Variants in WDPCP observed in about 807,000 individuals in gnomAD.
WDPCP encodes the protein WD repeat containing planar cell polarity effector, also known as WD repeat-containing and planar cell polarity effector protein fritz homolog.
WDPCP carries 71 observed loss-of-function variants against 93.1 expected under a neutral mutation model. The observed-to-expected ratio is 0.76, with a 90% CI of 0.63 to 0.93. The LOEUF (loss-of-function observed/expected upper bound fraction) is 0.93, where lower values mean the gene tolerates loss of function less well. Ranked by LOEUF, WDPCP falls within the 40% of genes least tolerant of loss-of-function variation. The pLI, the probability that WDPCP is intolerant of heterozygous loss-of-function variation, is 0.00. For synonymous variants in WDPCP, 315 were observed against 315.0 expected, an observed-to-expected ratio of 1.00 and a Z score of 0.00; for missense variants, 844 against 887.4, an observed-to-expected ratio of 0.95 and a Z score of 0.62.
intron 2 of WDPCP, among the ~76,000 whole-genome samples, chr2:63,768,222 A>G (rs540991370): frequency 1.3e-5 from 2 of 152,194 alleles, no homozygotes; most frequent in African/African-American, 4.8e-5. Flanking sequence ...TTAAAAATCA[A>G]TGGACCATAC....
At chr2:63,199,264 C>T (rs568146562) in intron 14 of WDPCP, among the ~76,000 whole-genome samples, 10 of 130,978 alleles carry the variant, frequency 7.6e-5, no homozygotes, top group Non-Finnish European at 1.6e-4. Flanking sequence ...GAAAAATCTA[C>T]TTTCTGGGAG....
chr2:63,342,279 T>C (rs935374661), intron 12 of WDPCP, among the ~76,000 whole-genome samples: 1 of 152,176 alleles, frequency 6.6e-6, no homozygotes, highest in Non-Finnish European at 1.5e-5. Context: ...TTGGGGACCC[T>C]AACCAGGTCC....
chr2:63,200,648 G>A (rs1322180578), intron 14 of WDPCP, among the ~76,000 whole-genome samples: 1 of 152,098 alleles, frequency 6.6e-6, no homozygotes, highest in East Asian at 1.9e-4. Context: ...AGAGAGAATA[G>A]AACCCAGAGG....
At chr2:63,753,677 T>C (rs1315471990) in intron 2 of WDPCP, among the ~76,000 whole-genome samples, 4 of 152,048 alleles carry the variant, frequency 2.6e-5, no homozygotes, top group African/African-American at 7.2e-5. Flanking sequence ...AATATCTCAC[T>C]CTAGCTATGA....
At chr2:63,638,970 T>A (rs1220824857) in intron 3 of WDPCP, among the ~76,000 whole-genome samples, 2 of 152,092 alleles carry the variant, frequency 1.3e-5, no homozygotes, top group South Asian at 2.1e-4. Flanking sequence ...ACTCAAAGAA[T>A]AATAAGGGAA....
intron 14 of WDPCP, among the ~76,000 whole-genome samples, chr2:63,251,917 T>G (rs1326182356): frequency 2.0e-5 from 3 of 151,446 alleles, no homozygotes; most frequent in Admixed American, 6.6e-5. Flanking sequence ...AGGAGGGAAC[T>G]CCTTCATAAC....
chr2:63,365,771 C>A lies in WDPCP; in HGVS notation c.1748+12615G>T, dbSNP rs376754731. Among the ~76,000 whole-genome samples, 392 of 152,276 alleles carry A rather than the reference C, an allele frequency of 2.6e-3. 3 individuals are homozygous for A. Among genetic ancestry groups the A allele is most frequent in the Middle Eastern group, 0.02 (6 of 294 alleles). ...TCACATGGTCCCATTTACCTTACCA[C>A]TCGCAGAACTAAGTTTCATTGTAAA... On this transcript the variant is annotated intron_variant, in intron 12 of 17. Transcript: ENST00000272321.
rs1172618442 is a variant in WDPCP at position 63,324,416 on chromosome 2, G to A, written c.1749-11105C>T. Among the ~76,000 whole-genome samples the A allele has an allele frequency of 4.6e-5, 7 of 152,176 alleles. No homozygotes were observed. In the South Asian group the frequency reaches 6.2e-4, roughly 14 times the overall value. On this transcript the variant is annotated intron_variant, in intron 12 of 17. Coordinates refer to ENST00000272321, the MANE Select transcript of WDPCP (RefSeq NM_015910.7). ...CAAAAACCCCCGGGCTATCGGTTAC[G>A]TCCCCTTCAAGCTGTAGGGGAAGGG... is the stretch of plus-strand genomic sequence containing the variant.
chr2:63,710,521 G>A (rs1159898729), intron 2 of WDPCP, among the ~76,000 whole-genome samples: 1 of 152,126 alleles, frequency 6.6e-6, no homozygotes, highest in African/African-American at 2.4e-5. Flanking sequence ...CATAGAGTAT[G>A]CCCTCTCTTT....
intron 12 of WDPCP, among the ~76,000 whole-genome samples, chr2:63,377,631 T>G (rs1691959152): frequency 6.6e-6 from 1 of 151,586 alleles, no homozygotes; most frequent in Admixed American, 6.6e-5. Context: ...ATGCTTATTT[T>G]ATCATATTTC....
chr2:63,300,699 A>G (rs1376280111), intron 13 of WDPCP, among the ~76,000 whole-genome samples: 2 of 152,220 alleles, frequency 1.3e-5, no homozygotes, highest in African/African-American at 4.8e-5. Flanking sequence ...AATATCAGAG[A>G]ATGTCTAGTA....
At chr2:63,782,054 T>C (rs1285846106) in intron 2 of WDPCP, among the ~76,000 whole-genome samples, 7 of 152,120 alleles carry the variant, frequency 4.6e-5, no homozygotes, top group Non-Finnish European at 1.0e-4. Flanking sequence ...TTCAAACTGT[T>C]TCATCCTTCA....
At chr2:63,822,386 G>T (rs1186748538) in intron 1 of WDPCP, among the ~76,000 whole-genome samples, 1 of 152,070 alleles carries the variant, frequency 6.6e-6, no homozygotes, top group African/African-American at 2.4e-5. Flanking sequence ...ATAATTAAAA[G>T]AAATTAGAGT....
intron 14 of WDPCP, among the ~76,000 whole-genome samples, chr2:63,244,094 C>A (rs1298787385): frequency 6.6e-6 from 1 of 152,106 alleles, no homozygotes; most frequent in Non-Finnish European, 1.5e-5. Flanking sequence ...CAAAACCACA[C>A]AATTACATGG....
intron 14 of WDPCP, among the ~76,000 whole-genome samples, chr2:63,224,005 A>G (rs538841053): frequency 2.0e-5 from 3 of 152,142 alleles, no homozygotes; most frequent in African/African-American, 7.2e-5. Context: ...AATTGCCTTA[A>G]CTATTCTTGG....
intron 17 of WDPCP, among the ~76,000 whole-genome samples, chr2:63,141,974 T>C (rs1043090963): frequency 2.0e-5 from 3 of 152,148 alleles, no homozygotes; most frequent in Admixed American, 1.3e-4. Context: ...TGGTGTCCGT[T>C]GTAATATCTC....
At chr2:63,623,093 C>T (rs1451882991) in intron 3 of WDPCP, among the ~76,000 whole-genome samples, 4 of 152,226 alleles carry the variant, frequency 2.6e-5, no homozygotes, top group African/African-American at 9.6e-5. Context: ...AACTAAGCTT[C>T]ATAAATGAAA....
chr2:63,154,372 T>C (rs1672091166), intron 15 of WDPCP, among the ~76,000 whole-genome samples: 1 of 152,126 alleles, frequency 6.6e-6, no homozygotes, highest in Non-Finnish European at 1.5e-5. Flanking sequence ...TAGTTTTGAC[T>C]TCACGAATGT....
At chr2:63,840,664 G>A in the WDPCP span, among the ~76,000 whole-genome samples, 2 of 152,352 alleles carry the variant, frequency 1.3e-5, no homozygotes, top group South Asian at 4.1e-4. Flanking sequence ...TCTATCCGCA[G>A]GGCTTTCTTT....
Sources: allele counts gnomAD v4.1 joint callset (sites outside exome capture counted in the v4.1 genomes callset), GRCh38; gene constraint gnomAD v4.1.1; transcripts MANE v1.5; gene names NCBI Gene and HGNC (gene_info 2026-07-23, HGNC 2026-07-21).